ME3: variants seen among roughly 807,000 people sequenced by gnomAD.
The protein encoded by ME3 is malic enzyme 3, also known as NADP-dependent malic enzyme, mitochondrial.
A neutral mutation model predicts 68.9 loss-of-function variants in ME3; 48 were observed. The ratio of observed to expected loss-of-function variants is 0.70; its 90% CI spans 0.55 to 0.89. The LOEUF is 0.89. Ranked by LOEUF, ME3 falls within the 40% of genes least tolerant of loss-of-function variation. The pLI, the probability that ME3 is intolerant of heterozygous loss-of-function variation, is 0.00. For missense variants in ME3, 675 were observed against 797.4 expected (o/e 0.85, Z 1.85); for synonymous variants, 320 against 318.8 (o/e 1.00, Z -0.04).
At chr11:86,610,563 C>T (rs1022570150) in intron 2 of ME3, among the ~76,000 whole-genome samples, 11 of 152,122 alleles carry the variant, frequency 7.2e-5, no homozygotes, top group Admixed American at 3.3e-4. Context: ...TTCCAAGGCC[C>T]CTGGGAAGCC....
chr11:86,531,723 A>G (rs1306074417), intron 4 of ME3, among the ~76,000 whole-genome samples: 1 of 151,188 alleles, frequency 6.6e-6, no homozygotes, highest in African/African-American at 2.4e-5. Context: ...GCTGGAAACC[A>G]TCATTCTGAG....
intron 2 of ME3, among the ~76,000 whole-genome samples, chr11:86,637,421 A>G (rs1227638173): frequency 6.6e-6 from 1 of 151,968 alleles, no homozygotes; most frequent in African/African-American, 2.4e-5. Context: ...AAACACCCAG[A>G]CACAATGAGA....
intron 4 of ME3, among the ~76,000 whole-genome samples, chr11:86,526,750 C>T (rs373621398): frequency 6.6e-5 from 10 of 152,296 alleles, no homozygotes; most frequent in African/African-American, 1.7e-4. Flanking sequence ...GATACCCAGG[C>T]GAACAGGGTC....
intron 7 of ME3, among the ~76,000 whole-genome samples, chr11:86,472,099 G>A (rs182630365): frequency 5.3e-5 from 8 of 152,218 alleles, no homozygotes; most frequent in Non-Finnish European, 1.0e-4. Flanking sequence ...GGATGGGTGC[G>A]GATGGAAGGA....
chr11:86,438,055 C>T (rs1593957632), downstream of ME3, among the ~76,000 whole-genome samples: 1 of 152,152 alleles, frequency 6.6e-6, no homozygotes. Flanking sequence ...TGCCTTGTTC[C>T]AGATCTTAGG....
At chr11:86,604,431 G>T (rs1961299306) in intron 2 of ME3, among the ~76,000 whole-genome samples, 1 of 151,934 alleles carries the variant, frequency 6.6e-6, no homozygotes, top group South Asian at 2.1e-4. Context: ...CACTACATAG[G>T]GTTGTCTCTT....
At chr11:86,521,081 C>T (rs1229019597) in intron 4 of ME3, among the ~76,000 whole-genome samples, 1 of 152,162 alleles carries the variant, frequency 6.6e-6, no homozygotes, top group African/African-American at 2.4e-5. Flanking sequence ...ACCGAATCTC[C>T]ATTGCTTATT....
At chr11:86,664,506 G>A (rs1185414910) in intron 2 of ME3, among the ~76,000 whole-genome samples, 2 of 152,130 alleles carry the variant, frequency 1.3e-5, no homozygotes, top group Non-Finnish European at 2.9e-5. Flanking sequence ...TCATCTTCAG[G>A]TTCCAGGAAC....
At chr11:86,448,943 A>G (rs1949475230) in intron 10 of ME3, among the ~76,000 whole-genome samples, 1 of 152,204 alleles carries the variant, frequency 6.6e-6, no homozygotes, top group Admixed American at 6.5e-5. Context: ...TGATGTTGAA[A>G]GATGGATAAG....
Position 86,446,625 on chromosome 11 carries a change from G to T in ME3, c.1381-138C>A, listed in dbSNP as rs148843659. ...CAGCACTGTGCTGAGAACATGGCAGGTATTTAAAGCACATTTGTCATTTGA... is the reference window on the plus strand; with the variant it reads ...CAGCACTGTGCTGAGAACATGGCAGTTATTTAAAGCACATTTGTCATTTGA... On this transcript the variant is annotated intron_variant, in intron 12 of 14. Transcript: ENST00000543262. 4.9e-6 allele frequency: 4 copies of T among 812,828 alleles called. No homozygotes were observed. The East Asian group carries it at 1.1e-4, about 22-fold the overall frequency. 50.4% of individuals were successfully genotyped at this position (812,828 alleles called of 1,614,324 possible).
At chr11:86,633,425 C>G (rs1210406488) in intron 2 of ME3, among the ~76,000 whole-genome samples, 1 of 152,184 alleles carries the variant, frequency 6.6e-6, no homozygotes, top group African/African-American at 2.4e-5. Flanking sequence ...GAGGCAAAGT[C>G]AGAATCTGAA....
intron 8 of ME3, among the ~76,000 whole-genome samples, chr11:86,462,310 A>C (rs973870647): frequency 6.6e-6 from 1 of 152,258 alleles, no homozygotes. Context: ...TAGGTATGTC[A>C]TGCATACATA....
At chr11:86,671,898 C>T (rs1483035120) in exon 2 of ME3, 2 of 1,478,114 alleles carry the variant, frequency 1.4e-6, no homozygotes, top group Admixed American at 2.8e-5. Context: ...GCAGGCCCGG[C>T]CCGGCCAGGG....
In ME3 at chr11:86,612,563, C is replaced by T. The variant is rs548835678; in HGVS notation, c.184-52740G>A. Among the ~76,000 whole-genome samples the T allele has an allele frequency of 4.0e-4, 61 of 152,320 alleles. 1 individual carries two copies. Among genetic ancestry groups the T allele is most frequent in the African/African-American group, 1.4e-3 (57 of 41,578 alleles). ...AAGTCTTCCTATTTCTCCACAGCCTCACAACCATCTATTGTTTCCAGACTT... is the reference window on the plus strand; with the variant it reads ...AAGTCTTCCTATTTCTCCACAGCCTTACAACCATCTATTGTTTCCAGACTT... On this transcript the variant is annotated intron_variant, in intron 2 of 14. Coordinates refer to ENST00000543262, the Ensembl canonical transcript of ME3.
intron 2 of ME3, among the ~76,000 whole-genome samples, chr11:86,571,866 A>C (rs1957815688): frequency 1.3e-5 from 2 of 152,348 alleles, no homozygotes; most frequent in South Asian, 4.1e-4. Flanking sequence ...CCTGGGAGGC[A>C]GCAGGCAGGA....
chr11:86,448,118 G>C, intron 11 of ME3, 32 bp downstream of exon 11: 1 of 1,477,352 alleles, frequency 6.8e-7, no homozygotes, highest in Non-Finnish European at 9.5e-7. Flanking sequence ...GGGTTAGCTG[G>C]GCTGGGTAGT....
At chr11:86,455,995 G>A (rs949465141) in intron 8 of ME3, among the ~76,000 whole-genome samples, 3 of 152,088 alleles carry the variant, frequency 2.0e-5, no homozygotes, top group Admixed American at 2.0e-4. Flanking sequence ...TTATTATGTG[G>A]CACTCCCTAT....
chr11:86,496,427 AAAGAAAAG>A (rs1952340391), intron 6 of ME3, among the ~76,000 whole-genome samples: 1 of 152,022 alleles, frequency 6.6e-6, no homozygotes, highest in African/African-American at 2.4e-5. Context: ...AAAGAAAAGA[AAAGAAAAG>A]AAATGGGGAT....
chr11:86,634,516 G>T (rs960377886), intron 2 of ME3, among the ~76,000 whole-genome samples: 1 of 152,136 alleles, frequency 6.6e-6, no homozygotes, highest in African/African-American at 2.4e-5. Context: ...CAGCAAAGTC[G>T]TGGACTTTGG....
Sources: gnomAD v4.1 joint callset for allele counts (sites outside exome capture counted in the v4.1 genomes callset) on GRCh38, gnomAD v4.1.1 for gene constraint, MANE v1.5 for transcripts, NCBI Gene and HGNC (gene_info 2026-07-23, HGNC 2026-07-21) for gene names.